The following BMP7 variants were observed in gnomAD, a reference collection of about 807,000 sequenced individuals.
BMP7 encodes bone morphogenetic protein 7.
Under a neutral mutation model 41.2 loss-of-function variants are expected in BMP7, and 12 were observed. The ratio of observed to expected loss-of-function variants is 0.29; its 90% confidence interval spans 0.19 to 0.47. The LOEUF is 0.47. Among genes scored for constraint, BMP7 ranks in the 20% least tolerant of loss-of-function variants. The pLI is 0.99. For missense variants in BMP7, 467 were observed against 606.0 expected (o/e 0.77, Z 2.41); for synonymous variants, 248 against 250.0 (o/e 0.99, Z 0.07).
At chr20:57,236,642 A>C (rs1009573298) in intron 1 of BMP7, among the ~76,000 whole-genome samples, 1 of 152,126 alleles carries the variant, frequency 6.6e-6, no homozygotes, top group Non-Finnish European at 1.5e-5. Context: ...AAGATGGCGC[A>C]ACAGTGGCCA....
intron 3 of BMP7, among the ~76,000 whole-genome samples, 162 bp from the exon 4 acceptor site, chr20:57,184,081 A>G (rs1340648527): frequency 6.6e-6 from 1 of 152,228 alleles, no homozygotes; most frequent in Non-Finnish European, 1.5e-5. Flanking sequence ...GTACTGTTTA[A>G]GGAACTTGGA....
chr20:57,245,129 C>T (rs895606979), intron 1 of BMP7, among the ~76,000 whole-genome samples: 32 of 152,152 alleles, frequency 2.1e-4, no homozygotes, highest in Admixed American at 1.3e-4. Context: ...CAGAGACGTA[C>T]AAAAGCCGCC....
intron 6 of BMP7, chr20:57,172,940 A>C (rs547448159): frequency 9.9e-6 from 6 of 606,114 alleles, no homozygotes; most frequent in Non-Finnish European, 1.8e-5. Context: ...TCCTCAAAGG[A>C]GCCCATACAA....
Position 57,175,018 on chromosome 20 carries a change from A to G in BMP7, c.959-11T>C, listed in dbSNP as rs1013363794. 2 of 1,608,694 alleles carry G rather than the reference A, an allele frequency of 1.2e-6. 1 individual carries two copies. On this transcript the variant is annotated splice_polypyrimidine_tract_variant and intron_variant, in intron 4 of 6. Transcript: ENST00000395863. ...CGCTGCTGCTGTTCTCTGCATTGACAAGGAAGTGAAGAAGCAGAGCCCAGT... is the reference window on the plus strand; with the variant it reads ...CGCTGCTGCTGTTCTCTGCATTGACGAGGAAGTGAAGAAGCAGAGCCCAGT...
intron 3 of BMP7, among the ~76,000 whole-genome samples, chr20:57,198,076 C>T (rs1180947251): frequency 1.3e-5 from 2 of 150,114 alleles, no homozygotes; most frequent in Non-Finnish European, 3.0e-5. Flanking sequence ...CCCCTCCTCT[C>T]CTCTCGCTCT....
At chr20:57,223,369 A>G (rs144608298) in intron 2 of BMP7, among the ~76,000 whole-genome samples, 2 of 152,318 alleles carry the variant, frequency 1.3e-5, no homozygotes, top group South Asian at 2.1e-4. Context: ...AAGCACACCA[A>G]TGACAGTTCA....
chr20:57,255,414 C>T (rs1398861618), intron 1 of BMP7, among the ~76,000 whole-genome samples: 1 of 152,202 alleles, frequency 6.6e-6, no homozygotes, highest in Non-Finnish European at 1.5e-5. Context: ...CTGAGGTCTA[C>T]AATCCATTTC....
chr20:57,266,108 T>G lies in BMP7; in HGVS notation c.15A>C (p.Ser5=). 1 of 1,534,564 alleles carries G rather than the reference T, an allele frequency of 6.5e-7. No homozygotes were observed. Residue 5 remains serine (S), a synonymous_variant, in exon 1 of 7, where the codon TCA becomes TCC. Coordinates refer to ENST00000395863, the MANE Select transcript of BMP7 (RefSeq NM_001719.3). ...AGCTGTGCGGCGCCGCAGCTCGCAG[T>G]GAGCGCACGTGCATCGCGCCGGCTC... MHVR[S]LRAAAPHSFV...
At chr20:57,187,328 C>T (rs1476045683) in intron 3 of BMP7, among the ~76,000 whole-genome samples, 1 of 152,198 alleles carries the variant, frequency 6.6e-6, no homozygotes. Flanking sequence ...CCCCCCTTTC[C>T]GTGATAGCCA....
chr20:57,228,405 T>C lies in BMP7; in HGVS notation c.435A>G (p.Glu145=), dbSNP rs1307720637. ...SFVNLVEHDK[E]FFHPRYHHRE... is the part of the protein sequence containing the mutation. ...GATGGTGGTAGCGTGGGTGGAAGAA[T>C]TCCTTGTCATGTTCCACTGGAAGAG... Residue 145 remains glutamate (E), a synonymous_variant, in exon 2 of 7, where the codon GAA becomes GAG. Coordinates refer to ENST00000395863, the MANE Select transcript of BMP7 (RefSeq NM_001719.3). This position sits in a 1 kb window ranked among gnomAD's most constrained non-coding sequence, Gnocchi z 4.5. 2.5e-6 allele frequency: 4 copies of C among 1,614,108 alleles called. No homozygotes were observed. In the South Asian group the frequency reaches 4.4e-5, roughly 18 times the overall value.
intron 2 of BMP7, among the ~76,000 whole-genome samples, chr20:57,209,934 G>A (rs1984840283): frequency 6.6e-6 from 1 of 152,188 alleles, no homozygotes; most frequent in South Asian, 2.1e-4. Context: ...AAACCTAGGT[G>A]AGGGGGCAAG....
intron 2 of BMP7, among the ~76,000 whole-genome samples, chr20:57,206,594 A>G (rs576946648): frequency 2.0e-5 from 3 of 152,300 alleles, no homozygotes; most frequent in Admixed American, 1.3e-4. Flanking sequence ...AGAAAATACT[A>G]GAGGGGGATG....
chr20:57,192,784 A>G (rs575304780), intron 3 of BMP7, among the ~76,000 whole-genome samples: 10 of 151,730 alleles, frequency 6.6e-5, no homozygotes, highest in African/African-American at 2.4e-4. Context: ...AGGGTGCCTG[A>G]TTGAATTTGA....
At chr20:57,198,912 C>A (rs548666306) in intron 3 of BMP7, among the ~76,000 whole-genome samples, 3 of 152,198 alleles carry the variant, frequency 2.0e-5, no homozygotes, top group Non-Finnish European at 1.5e-5. Context: ...CAGGAGGTGT[C>A]CGGGCTCCAA....
intron 4 of BMP7, among the ~76,000 whole-genome samples, chr20:57,180,755 T>C (rs988949752): frequency 6.6e-6 from 1 of 152,048 alleles, no homozygotes; most frequent in African/African-American, 2.4e-5. Flanking sequence ...AAAGAAAATA[T>C]ACGGAATCCC....
intron 2 of BMP7, among the ~76,000 whole-genome samples, chr20:57,216,431 C>A (rs1046628313): frequency 1.3e-5 from 2 of 152,138 alleles, no homozygotes; most frequent in Admixed American, 1.3e-4. Context: ...GGGCCTGGGA[C>A]TTCAGCCCGT....
chr20:57,212,183 G>C (rs1157157060), intron 2 of BMP7, among the ~76,000 whole-genome samples: 1 of 152,250 alleles, frequency 6.6e-6, no homozygotes, highest in Non-Finnish European at 1.5e-5. Flanking sequence ...GATGTGAGGT[G>C]TGAGGGTGTG....
rs1330943215 is a variant in BMP7 at position 57,175,024 on chromosome 20, G to A, written c.959-17C>T. ...TGCTGTTCTCTGCATTGACAAGGAAGTGAAGAAGCAGAGCCCAGTGAGGAG... is the reference window on the plus strand; with the variant it reads ...TGCTGTTCTCTGCATTGACAAGGAAATGAAGAAGCAGAGCCCAGTGAGGAG... On this transcript the variant is annotated splice_polypyrimidine_tract_variant and intron_variant, in intron 4 of 6. Coordinates refer to ENST00000395863, the MANE Select transcript of BMP7 (RefSeq NM_001719.3). 1.9e-6 allele frequency: 3 copies of A among 1,607,578 alleles called. No individual in the cohort carries two copies. Among genetic ancestry groups the A allele is most frequent in the Non-Finnish European group, 2.5e-6 (3 of 1,178,982 alleles).
chr20:57,188,797 CA>C (rs1984281433), intron 3 of BMP7, among the ~76,000 whole-genome samples: 1 of 152,220 alleles, frequency 6.6e-6, no homozygotes, highest in African/African-American at 2.4e-5. Context: ...ACCCCATCCT[CA>C]ACACAGCCCC....
Sources: allele counts gnomAD v4.1 joint callset (sites outside exome capture counted in the v4.1 genomes callset), GRCh38; gene constraint gnomAD v4.1.1; non-coding constraint Gnocchi (gnomAD v3.1); transcripts MANE v1.5; gene names NCBI Gene and HGNC (gene_info 2026-07-23, HGNC 2026-07-21).